The following GPR155 variants were observed in gnomAD, a reference collection of about 807,000 sequenced individuals.
The protein encoded by GPR155 is G protein-coupled receptor 155.
A neutral mutation model predicts 93.1 loss-of-function variants in GPR155; 65 were observed. The observed-to-expected ratio is 0.70, with a 90% confidence interval of 0.57 to 0.86. The LOEUF is 0.86. Ranked by LOEUF, GPR155 falls within the 40% of genes least tolerant of loss-of-function variation. The pLI, the probability that GPR155 is intolerant of heterozygous loss-of-function variation, is 0.00. For synonymous variants in GPR155, 319 were observed against 360.1 expected (o/e 0.89, Z 1.29); for missense variants, 838 against 1,034.8 (o/e 0.81, Z 2.61).
chr2:174,436,894 G>A (rs902763952), intron 15 of GPR155, among the ~76,000 whole-genome samples: 4 of 152,126 alleles, frequency 2.6e-5, no homozygotes, highest in African/African-American at 4.8e-5. Flanking sequence ...TCATGTATAC[G>A]TATGCACTAC....
chr2:174,438,278 T>G (rs1485766982), intron 15 of GPR155, among the ~76,000 whole-genome samples: 1 of 151,800 alleles, frequency 6.6e-6, no homozygotes, highest in Non-Finnish European at 1.5e-5. Context: ...CTGTACAAAG[T>G]GGCAGAGAAT....
At chr2:174,464,281 G>A (rs1407002109) in intron 7 of GPR155, among the ~76,000 whole-genome samples, 5 of 152,028 alleles carry the variant, frequency 3.3e-5, no homozygotes, top group African/African-American at 1.2e-4. Context: ...TTATTTTAAT[G>A]CATATTTGAA....
intron 11 of GPR155, among the ~76,000 whole-genome samples, chr2:174,453,307 T>G (rs984336974): frequency 6.6e-6 from 1 of 152,232 alleles, no homozygotes; most frequent in Non-Finnish European, 1.5e-5. Context: ...AGGATCTATA[T>G]TCTTGATGTT....
chr2:174,469,207 A>G, intron 4 of GPR155, 140 bp from the exon 5 acceptor site: 1 of 636,812 alleles, frequency 1.6e-6, no homozygotes, highest in Non-Finnish European at 2.6e-6. Flanking sequence ...CATGTTATCC[A>G]ATACCATACT....
intron 11 of GPR155, 39 bp downstream of exon 11, chr2:174,453,697 CT>C: frequency 1.4e-6 from 1 of 729,240 alleles, no homozygotes; most frequent in Non-Finnish European, 2.5e-6. Flanking sequence ...AAGGAATCTT[CT>C]GTCCCTTAAT....
chr2:174,466,307 T>C (rs1687836279), intron 6 of GPR155, among the ~76,000 whole-genome samples: 1 of 152,190 alleles, frequency 6.6e-6, no homozygotes, highest in Non-Finnish European at 1.5e-5. Context: ...ATTGTTTCTA[T>C]TAAAAAATGC....
intron 13 of GPR155, 137 bp downstream of exon 13, chr2:174,444,944 G>C: frequency 1.7e-6 from 1 of 605,928 alleles, no homozygotes; most frequent in Non-Finnish European, 2.9e-6. Context: ...ATGCATACCA[G>C]CAGCTGGCAA....
chr2:174,453,415 C>T (rs1027556739), intron 11 of GPR155, among the ~76,000 whole-genome samples: 1 of 152,014 alleles, frequency 6.6e-6, no homozygotes, highest in South Asian at 2.1e-4. Flanking sequence ...AATCCCAGCA[C>T]TTTGGGAGGC....
intron 12 of GPR155, among the ~76,000 whole-genome samples, chr2:174,446,258 G>A (rs1687121187): frequency 7.1e-6 from 1 of 140,978 alleles, no homozygotes; most frequent in African/African-American, 2.6e-5. Context: ...AGTGAGCTGA[G>A]ATCATGCCAC....
chr2:174,460,093 C>T lies in GPR155; in HGVS notation c.1561-5G>A, dbSNP rs375208301. 71 of 1,603,170 alleles carry T rather than the reference C, an allele frequency of 4.4e-5. No homozygotes were observed. Among genetic ancestry groups the T allele is most frequent in the Admixed American group, 6.9e-5 (4 of 57,934 alleles). ...GGTGACTGCTGTGGTGATCATCTGC[C>T]GACATGAAAAAAAGATATCAGGCCA... On this transcript the variant is annotated splice_polypyrimidine_tract_variant and splice_region_variant and intron_variant, in intron 9 of 15. Coordinates refer to ENST00000392552, the MANE Select transcript of GPR155 (RefSeq NM_152529.7).
chr2:174,472,076 A>G (rs1167429574), intron 3 of GPR155, among the ~76,000 whole-genome samples: 17 of 152,220 alleles, frequency 1.1e-4, no homozygotes, highest in Admixed American at 6.5e-4. Flanking sequence ...GTAGAACTCC[A>G]TGGCTAATGG....
chr2:174,455,178 AAAAAAT>A (rs1687478036), intron 10 of GPR155, among the ~76,000 whole-genome samples: 1 of 142,468 alleles, frequency 7.0e-6, no homozygotes, highest in African/African-American at 2.8e-5. Context: ...CTCCATCTCA[AAAAAAT>A]AAAAATAAAA....
At chr2:174,468,103 C>T (rs1469744499) in intron 5 of GPR155, among the ~76,000 whole-genome samples, 2 of 152,130 alleles carry the variant, frequency 1.3e-5, no homozygotes, top group Non-Finnish European at 2.9e-5. Flanking sequence ...AGTATCCTGG[C>T]GACTTCCTTC....
In GPR155 at chr2:174,439,859, A is replaced by G. The variant is rs749508913; in HGVS notation, c.2312+39T>C. On this transcript the variant is annotated intron_variant, in intron 15 of 15. Transcript: ENST00000392552. Reference sequence around the variant, plus strand: ...CAAAATTAATCAATTAATCATTTAAAATATAATTGTCTAGAACCTGTACTG... The same window carrying G: ...CAAAATTAATCAATTAATCATTTAAGATATAATTGTCTAGAACCTGTACTG... 1.4e-5 allele frequency: 22 copies of G among 1,554,778 alleles called. 1 individual carries two copies. The South Asian group carries it at 2.4e-4, about 17-fold the overall frequency.
Position 174,459,962 on chromosome 2 carries a change from C to A in GPR155, c.1687G>T (p.Val563Leu). The part of the protein sequence containing the change: ...GFDQSQSHKV[V>L]EPGNTAFEES... Reference sequence around the variant, plus strand: ...TCAAAAGCAGTATTTCCAGGCTCCACCACTTTGTGGCTCTGAGACTGATCG... The same window carrying A: ...TCAAAAGCAGTATTTCCAGGCTCCAACACTTTGTGGCTCTGAGACTGATCG... Residue 563 changes from valine (V) to leucine (L), a missense_variant, in exon 10 of 16, where the codon GTG becomes TTG. Physicochemically the swap from Val to Leu is conservative, Grantham distance 32. Transcript: ENST00000392552. The A allele has an allele frequency of 6.2e-7, 1 of 1,614,136 alleles. No individual in the cohort carries two copies. The highest frequency in any genetic ancestry group is 1.1e-5 in the South Asian group (1 of 91,080).
chr2:174,446,835 C>T, intron 11 of GPR155, 88 bp from the exon 12 acceptor site: 1 of 1,151,000 alleles, frequency 8.7e-7, no homozygotes, highest in South Asian at 1.3e-5. Flanking sequence ...AGAGAAACAA[C>T]AGAAAAGCAC....
intron 10 of GPR155, 29 bp downstream of exon 10, chr2:174,459,849 A>G: frequency 6.6e-7 from 1 of 1,509,718 alleles, no homozygotes; most frequent in Non-Finnish European, 9.2e-7. Context: ...TGTCTCAAAT[A>G]AATAAAAATA....
At chr2:174,471,221 T>A (rs1357839707) in intron 3 of GPR155, among the ~76,000 whole-genome samples, 3 of 151,656 alleles carry the variant, frequency 2.0e-5, no homozygotes, top group Non-Finnish European at 4.4e-5. Context: ...TGAAACCCCA[T>A]CTCTACTAAA....
intron 6 of GPR155, 149 bp downstream of exon 6, chr2:174,466,395 G>T: frequency 1.8e-6 from 1 of 565,100 alleles, no homozygotes; most frequent in Non-Finnish European, 3.2e-6. Context: ...TATGTTAGGC[G>T]TATAGTAGTT....
Sources: allele counts gnomAD v4.1 joint callset (sites outside exome capture counted in the v4.1 genomes callset), GRCh38; gene constraint gnomAD v4.1.1; transcripts MANE v1.5; gene names NCBI Gene and HGNC (gene_info 2026-07-23, HGNC 2026-07-21).